NCOR2: variants seen among roughly 807,000 people sequenced by gnomAD.
NCOR2 encodes the protein nuclear receptor corepressor 2.
A neutral mutation model predicts 262.9 loss-of-function variants in NCOR2; 81 were observed. The ratio of observed to expected loss-of-function variants is 0.31; its 90% CI spans 0.26 to 0.37. The LOEUF (loss-of-function observed/expected upper bound fraction) is 0.37, where lower values mean the gene tolerates loss of function less well. NCOR2 is among the 10% of genes least tolerant of loss of function. The pLI is 1.00. For missense variants in NCOR2, 3,385 were observed against 3,621.4 expected, an observed-to-expected ratio of 0.93 and a Z score of 1.68; for synonymous variants, 1,659 against 1,559.3, an observed-to-expected ratio of 1.06 and a Z score of -1.51.
intron 29 of NCOR2, 64 bp from the exon 32 acceptor site, chr12:124,347,975 G>A (rs2037086014): frequency 6.6e-7 from 1 of 1,513,678 alleles, no homozygotes; most frequent in Non-Finnish European, 9.0e-7. Flanking sequence ...GCAGTGACAG[G>A]GGTCAGTGTT....
At chr12:124,444,824 G>A (rs757550542) in intron 7 of NCOR2, among the ~76,000 whole-genome samples, 1 of 152,126 alleles carries the variant, frequency 6.6e-6, no homozygotes, top group Non-Finnish European at 1.5e-5. Flanking sequence ...ACTTGTCTAA[G>A]GTCACCCAGG....
At chr12:124,461,819 GATGA>G (rs1402285392) in intron 5 of NCOR2, among the ~76,000 whole-genome samples, 2 of 152,212 alleles carry the variant, frequency 1.3e-5, no homozygotes, top group Non-Finnish European at 2.9e-5. Flanking sequence ...CCAATTCGTG[GATGA>G]ATGTTCACGC....
In NCOR2 at chr12:124,433,871, C is replaced by CACACACACACACAA. The variant is rs2044149624; in HGVS notation, c.883-3085_883-3084insTTGTGTGTGTGTGT. 2.8e-4 allele frequency among the ~76,000 whole-genome samples: 8 copies of CACACACACACACAA among 28,240 alleles called. 1 individual carries two copies. The highest frequency in any genetic ancestry group is 5.5e-4 in the Non-Finnish European group (6 of 10,860). 18.5% of individuals were successfully genotyped at this position (28,240 alleles called of 152,430 possible). The stretch of plus-strand genomic sequence containing the variant: ...ACACACACACACACACACACACACA[C>CACACACACACACAA]ACACACACACACACACACACACACA... On this transcript the variant is annotated intron_variant, in intron 8 of 46. Coordinates refer to ENST00000405201, the Ensembl canonical transcript of NCOR2.
At chr12:124,372,681 G>A (rs2039593535) in intron 19 of NCOR2, 71 bp from the exon 22 acceptor site, 1 of 1,386,212 alleles carries the variant, frequency 7.2e-7, no homozygotes, top group East Asian at 2.3e-5. Context: ...GCATGGCCCT[G>A]ACCCTCCGGA....
At chr12:124,402,612 T>C (rs1455041740) in intron 13 of NCOR2, 51 bp from the exon 16 acceptor site, 1 of 1,542,024 alleles carries the variant, frequency 6.5e-7, no homozygotes, top group African/African-American at 1.4e-5. Context: ...AAGAAAACCG[T>C]GAACAGGTGA....
chr12:124,448,797 C>G (rs1593590415), intron 7 of NCOR2, among the ~76,000 whole-genome samples: 1 of 152,232 alleles, frequency 6.6e-6, no homozygotes, highest in East Asian at 1.9e-4. Flanking sequence ...GAGCTCACCA[C>G]CGCATATACA....
chr12:124,445,344 C>T (rs370384025), intron 7 of NCOR2, among the ~76,000 whole-genome samples: 1 of 152,212 alleles, frequency 6.6e-6, no homozygotes, highest in Non-Finnish European at 1.5e-5. Context: ...CCCGGCCCCG[C>T]CCCGGTGGTC....
intron 1 of NCOR2, among the ~76,000 whole-genome samples, chr12:124,564,410 C>T (rs879856989): frequency 1.3e-5 from 2 of 152,192 alleles, no homozygotes; most frequent in South Asian, 4.1e-4. Flanking sequence ...CGGCAGTTCC[C>T]CAGTCTCAAA....
chr12:124,469,028 A>G (rs1204335851), intron 4 of NCOR2, among the ~76,000 whole-genome samples: 3 of 145,592 alleles, frequency 2.1e-5, no homozygotes, highest in Non-Finnish European at 4.5e-5. Flanking sequence ...CTGTCCATGT[A>G]TGAACCCCCT....
rs1389767302 is a variant in NCOR2 at position 124,348,154 on chromosome 12, A to C, written c.3985+20T>G. On this transcript the variant is annotated intron_variant, in intron 29 of 46. Transcript: ENST00000405201. Reference sequence around the variant, plus strand: ...CCCACCAGGGGGCACCGAGAGATGAAGTCTCCTCCCTGCTATCACCTTCGA... The same window carrying C: ...CCCACCAGGGGGCACCGAGAGATGACGTCTCCTCCCTGCTATCACCTTCGA... The C allele has an allele frequency of 6.2e-7, 1 of 1,607,740 alleles. No individual in the cohort carries two copies. Among genetic ancestry groups the C allele is most frequent in the Admixed American group, 1.7e-5 (1 of 59,996 alleles).
upstream of NCOR2, among the ~76,000 whole-genome samples, chr12:124,537,029 C>A (rs1049503813): frequency 6.6e-6 from 1 of 152,142 alleles, no homozygotes; most frequent in Non-Finnish European, 1.5e-5. Flanking sequence ...GTCCAAGAAG[C>A]CAGATTCAAG....
At chr12:124,343,567 T>TA (rs2135838702) in intron 32 of NCOR2, among the ~76,000 whole-genome samples, 1 of 152,010 alleles carries the variant, frequency 6.6e-6, no homozygotes, top group African/African-American at 2.4e-5. Context: ...AGACAGGTGA[T>TA]AAACTAGCAA....
At position 124,483,773 on chromosome 12, in the gene NCOR2, C is replaced by A; in HGVS notation, c.234G>T (p.Arg78=). 1 of 1,596,572 alleles carries A rather than the reference C, an allele frequency of 6.3e-7. No homozygotes were observed. Among genetic ancestry groups the A allele is most frequent in the Non-Finnish European group, 8.5e-7 (1 of 1,171,198 alleles). Reference sequence around the variant, plus strand: ...CTGGCCGCAGGTGGAGCTCCTGGGACCTGCAGGAGGTGAGGCATCCAACGT... The same window carrying A: ...CTGGCCGCAGGTGGAGCTCCTGGGAACTGCAGGAGGTGAGGCATCCAACGT... The change falls in exon 3 of 47, where the codon CGG becomes CGT. Residue 78 remains arginine (R), a splice_region_variant and synonymous_variant. Transcript: ENST00000405201. The surrounding 1 kb of genome is among the most constrained non-coding windows in gnomAD (Gnocchi z 6.3).
At chr12:124,428,065 G>GTGTGTGTGTGTGTGTT (rs1565933836) in intron 10 of NCOR2, among the ~76,000 whole-genome samples, 3 of 149,416 alleles carry the variant, frequency 2.0e-5, no homozygotes, top group Non-Finnish European at 4.5e-5. Context: ...GTGTGTGTGT[G>GTGTGTGTGTGTGTGTT]TGTGTGTGTG....
At chr12:124,534,763 A>G (rs756807882) in intron 1 of NCOR2, among the ~76,000 whole-genome samples, 28 of 152,186 alleles carry the variant, frequency 1.8e-4, no homozygotes, top group Admixed American at 5.2e-4. Context: ...CTTTGCTTCC[A>G]GCTGAAAGAT....
intron 1 of NCOR2, among the ~76,000 whole-genome samples, chr12:124,501,062 G>GCACGCACACA (rs1164232439): frequency 3.8e-4 from 56 of 147,912 alleles, no homozygotes; most frequent in African/African-American, 8.6e-4. Flanking sequence ...GCGCACGCGC[G>GCACGCACACA]CACACACACA....
intron 4 of NCOR2, among the ~76,000 whole-genome samples, chr12:124,472,374 T>C (rs931075930): frequency 6.6e-6 from 1 of 152,184 alleles, no homozygotes; most frequent in African/African-American, 2.4e-5. Flanking sequence ...CCTCTACAAG[T>C]TGTCCATTTT....
exon 20 of NCOR2, chr12:124,372,255 G>C (rs191065620): frequency 1.9e-6 from 3 of 1,585,102 alleles, no homozygotes; most frequent in South Asian, 1.1e-5. Flanking sequence ...CGGGCTCCTC[G>C]GCCTTCCCTG....
intron 44 of NCOR2, among the ~76,000 whole-genome samples, chr12:124,329,611 G>A (rs1195317921): frequency 1.3e-5 from 2 of 152,044 alleles, no homozygotes; most frequent in Non-Finnish European, 1.5e-5. Flanking sequence ...GTGCAGTGGC[G>A]CATGCCTGTA....
Sources: allele counts gnomAD v4.1 joint callset (sites outside exome capture counted in the v4.1 genomes callset), GRCh38; gene constraint gnomAD v4.1.1; non-coding constraint Gnocchi (gnomAD v3.1); transcripts MANE v1.5; gene names NCBI Gene and HGNC (gene_info 2026-07-23, HGNC 2026-07-21).